The following SOCS5 variants were observed in gnomAD, a reference collection of about 807,000 sequenced individuals.
SOCS5 encodes suppressor of cytokine signaling 5.
SOCS5 carries 32 observed loss-of-function variants against 42.8 expected under a neutral mutation model. The observed-to-expected ratio is 0.75, with a 90% CI of 0.56 to 1.01. SOCS5 has a LOEUF of 1.01. Among genes scored for constraint, SOCS5 ranks in the 50% least tolerant of loss-of-function variants. The pLI is 0.00. For synonymous variants in SOCS5, 283 were observed against 229.6 expected (o/e 1.23, Z -2.10); for missense variants, 627 against 653.0 (o/e 0.96, Z 0.43).
Position 46,699,637 on chromosome 2 carries a change from A to G in SOCS5, c.-13+188A>G, listed in dbSNP as rs978147963. Among the ~76,000 whole-genome samples the G allele has an allele frequency of 9.2e-5, 14 of 152,034 alleles. No homozygotes were observed. Among genetic ancestry groups the G allele is most frequent in the African/African-American group, 3.4e-4 (14 of 41,416 alleles). On this transcript the variant is annotated intron_variant, in intron 1 of 1. Coordinates refer to ENST00000394861, the MANE Select transcript of SOCS5 (RefSeq NM_144949.3). This position sits in a 1 kb window ranked among gnomAD's most constrained non-coding sequence, Gnocchi z 4.8. ...TGGGCTGGCCGGGAAAAGGACTGCT[A>G]GCCCGGGCCGCGAGCCCCGTGCAGA...
intron 1 of SOCS5, among the ~76,000 whole-genome samples, chr2:46,748,081 T>C (rs1673544377): frequency 1.3e-5 from 2 of 152,208 alleles, no homozygotes; most frequent in African/African-American, 4.8e-5. Context: ...TTTTCTTACG[T>C]GATTAAAAGT....
At chr2:46,740,547 G>T (rs1291610732) in intron 1 of SOCS5, among the ~76,000 whole-genome samples, 1 of 151,978 alleles carries the variant, frequency 6.6e-6, no homozygotes, top group South Asian at 2.1e-4. Context: ...AGATAGGAGG[G>T]GCCTGTGATA....
rs774529274 is a variant in SOCS5, at chr2:46,759,144, A to G, written c.614A>G (p.Lys205Arg). The change falls in exon 2 of 2, where the codon AAA (lysine) becomes AGA (arginine). Residue 205 changes from lysine (K) to arginine (R), a missense_variant. Lys to Arg is a conservative substitution (Grantham distance 26). This residue lies in a region of SOCS5 where 278 missense variants were observed against 246.3 expected (regional missense o/e 1.13). Coordinates refer to ENST00000394861, the MANE Select transcript of SOCS5 (RefSeq NM_144949.3). ...CAGTCAAAGCCTCTCTTTTCCAATA[A>G]AAGAAAAATCCATCTCTCTGAATTA... ...SKQSKPLFSN[K>R]RKIHLSELML... 2.4e-5 allele frequency: 38 copies of G among 1,614,010 alleles called. No homozygotes were observed. In the Admixed American group the frequency reaches 5.2e-4, roughly 22 times the overall value.
intron 1 of SOCS5, among the ~76,000 whole-genome samples, chr2:46,716,111 CT>C (rs11314433): frequency 0.62 from 84,934 of 137,224 alleles, 27,015 homozygotes; most frequent in African/African-American, 0.77. Context: ...GACACCCCCC[CT>C]TTTTTTTTTT....
At chr2:46,757,691 A>G (rs12474054) in intron 1 of SOCS5, among the ~76,000 whole-genome samples, 21,210 of 152,036 alleles carry the variant, frequency 0.14, 2,212 homozygotes, top group East Asian at 0.41. Context: ...ACATGGTGAA[A>G]CCCCGTCTCT....
intron 1 of SOCS5, among the ~76,000 whole-genome samples, chr2:46,729,124 GT>G (rs1410000885): frequency 2.6e-5 from 4 of 152,200 alleles, no homozygotes; most frequent in Non-Finnish European, 5.9e-5. Context: ...ACTATGTGTG[GT>G]TTAGTTTCTT....
At chr2:46,736,903 C>T (rs947643174) in intron 1 of SOCS5, among the ~76,000 whole-genome samples, 2 of 151,194 alleles carry the variant, frequency 1.3e-5, no homozygotes, top group Non-Finnish European at 2.9e-5. Context: ...TGTGGAAATT[C>T]GAAATGTTCC....
intron 1 of SOCS5, among the ~76,000 whole-genome samples, chr2:46,756,513 C>T (rs1025270771): frequency 3.9e-5 from 6 of 152,088 alleles, no homozygotes; most frequent in African/African-American, 1.2e-4. Context: ...GTTTGCTGGC[C>T]CTTGCTCTAC....
At chr2:46,754,847 T>C (rs1269524572) in intron 1 of SOCS5, among the ~76,000 whole-genome samples, 1 of 152,208 alleles carries the variant, frequency 6.6e-6, no homozygotes, top group Non-Finnish European at 1.5e-5. Context: ...TCTTAGATTA[T>C]TTTAAGAAGC....
chr2:46,732,677 G>C (rs1245474922), intron 1 of SOCS5, among the ~76,000 whole-genome samples: 1 of 152,214 alleles, frequency 6.6e-6, no homozygotes, highest in East Asian at 1.9e-4. Context: ...CAGTATGGAA[G>C]ATAGTTTGAA....
chr2:46,759,469 C>A lies in SOCS5; in HGVS notation c.939C>A (p.Asp313Glu), dbSNP rs777795071. ...LAPGMTEISG[D>E]SSAIPQANCD... ...CTGGAATGACTGAAATAAGTGGGGA[C>A]AGTTCTGCAATTCCACAAGCTAATT... Residue 313 changes from aspartate to glutamate, a missense_variant, in exon 2 of 2, where the codon GAC becomes GAA. This residue lies in a region of SOCS5 where 340 missense variants were observed against 367.6 expected (regional missense o/e 0.92). Transcript: ENST00000394861. The A allele has an allele frequency of 1.7e-5, 28 of 1,613,858 alleles. No homozygotes were observed. The highest frequency in any genetic ancestry group is 2.3e-5 in the Non-Finnish European group (27 of 1,179,866).
chr2:46,708,906 G>A (rs1168455746), intron 1 of SOCS5, among the ~76,000 whole-genome samples: 2 of 62,702 alleles, frequency 3.2e-5, no homozygotes, highest in Non-Finnish European at 6.3e-5. Flanking sequence ...TTTTTTTTTT[G>A]AGATAGGGTC....
intron 1 of SOCS5, among the ~76,000 whole-genome samples, chr2:46,732,527 G>A (rs147825739): frequency 1.0e-3 from 153 of 152,328 alleles, no homozygotes; most frequent in African/African-American, 3.5e-3. Context: ...AAACTTAGTG[G>A]TTAGGCAGGA....
intron 1 of SOCS5, among the ~76,000 whole-genome samples, chr2:46,754,212 G>A (rs1673684976): frequency 6.6e-6 from 1 of 152,080 alleles, no homozygotes; most frequent in Non-Finnish European, 1.5e-5. Flanking sequence ...TCTGTATTGG[G>A]GAAGCCATGC....
At chr2:46,738,548 T>A (rs1050948035) in intron 1 of SOCS5, among the ~76,000 whole-genome samples, 6 of 152,318 alleles carry the variant, frequency 3.9e-5, no homozygotes, top group African/African-American at 1.4e-4. Context: ...CGATGGAGAA[T>A]AGCCAGATTG....
At position 46,739,414 on chromosome 2, in the gene SOCS5, A is replaced by G. The variant is rs181357491; in HGVS notation, c.-12-19105A>G. Among the ~76,000 whole-genome samples, 284 of 152,350 alleles carry G rather than the reference A, an allele frequency of 1.9e-3. 1 individual carries two copies. The highest frequency in any genetic ancestry group is 3.4e-3 in the Middle Eastern group (1 of 294). On this transcript the variant is annotated intron_variant, in intron 1 of 1. Transcript: ENST00000394861. Reference sequence around the variant, plus strand: ...TGCGAGTGCCTCCAAGTACAAGTACAGTACTGCTTTCTGCTTTCTTTGTTG... The same window carrying G: ...TGCGAGTGCCTCCAAGTACAAGTACGGTACTGCTTTCTGCTTTCTTTGTTG...
At chr2:46,720,816 A>C (rs1260466779) in intron 1 of SOCS5, among the ~76,000 whole-genome samples, 2 of 152,106 alleles carry the variant, frequency 1.3e-5, no homozygotes, top group Non-Finnish European at 2.9e-5. Flanking sequence ...TGAGGCCCTT[A>C]ATATAAGTGT....
intron 1 of SOCS5, among the ~76,000 whole-genome samples, chr2:46,712,143 A>G (rs1236290966): frequency 6.6e-6 from 1 of 152,146 alleles, no homozygotes; most frequent in Non-Finnish European, 1.5e-5. Flanking sequence ...TTGCATTTGA[A>G]TCTATGAATT....
Position 46,744,276 on chromosome 2 carries a change from C to T in SOCS5, c.-12-14243C>T, listed in dbSNP as rs371080532. Among the ~76,000 whole-genome samples the T allele has an allele frequency of 1.2e-3, 186 of 152,280 alleles. 10 individuals carry two copies. In the South Asian group the frequency reaches 0.036, roughly 29 times the overall value. On this transcript the variant is annotated intron_variant, in intron 1 of 1. Transcript: ENST00000394861. ...AAGTTCTGGGATTACAGGCATGAGCCACCACACCCAGCCCTTTGATACCAT... is the reference window on the plus strand; with the variant it reads ...AAGTTCTGGGATTACAGGCATGAGCTACCACACCCAGCCCTTTGATACCAT...
Sources: allele counts gnomAD v4.1 joint callset (sites outside exome capture counted in the v4.1 genomes callset), GRCh38; gene constraint gnomAD v4.1.1; regional missense constraint gnomAD v4.1.1; non-coding constraint Gnocchi (gnomAD v3.1); transcripts MANE v1.5; gene names NCBI Gene and HGNC (gene_info 2026-07-23, HGNC 2026-07-21).